The following PA2G4 variants were observed in gnomAD, a reference collection of about 807,000 sequenced individuals.
PA2G4 encodes proliferation-associated 2G4, also known as proliferation-associated protein 2G4.
A neutral mutation model predicts 53.3 loss-of-function variants in PA2G4; 8 were observed. That is an observed-to-expected ratio of 0.15 (90% CI 0.09 to 0.27). The LOEUF is 0.27. PA2G4 is among the 10% of genes least tolerant of loss of function. The pLI, the probability that PA2G4 is intolerant of heterozygous loss-of-function variation, is 1.00. For synonymous variants in PA2G4, 143 were observed against 169.8 expected (o/e 0.84, Z 1.23); for missense variants, 208 against 486.8 (o/e 0.43, Z 5.39).
intron 1 of PA2G4, 101 bp downstream of exon 1, chr12:56,104,926 C>T (rs1185011934): frequency 2.1e-5 from 22 of 1,059,602 alleles, no homozygotes; most frequent in Admixed American, 5.2e-5. Flanking sequence ...GACTGAGCTA[C>T]TGAGGGGCCC....
At chr12:56,107,453 T>C (rs1219386427) in intron 4 of PA2G4, 68 bp from the exon 5 acceptor site, 6 of 1,199,448 alleles carry the variant, frequency 5.0e-6, no homozygotes, top group Non-Finnish European at 6.2e-6. Flanking sequence ...CTCACAGATA[T>C]TAACCAGATA....
At position 56,104,688 on chromosome 12, in the gene PA2G4, A is replaced by G; in HGVS notation, c.-50A>G. The G allele has an allele frequency of 6.7e-7, 1 of 1,498,246 alleles. No homozygotes were observed. The highest frequency in any genetic ancestry group is 9.3e-7 in the Non-Finnish European group (1 of 1,074,566). The allele number at this position is 1,498,246 out of a possible 1,614,324, so 92.8% of individuals were successfully genotyped here. ...AGCCTGTGGCTGGGAAGGGAGACAG[A>G]GGCGGCGGCGGCTCAGGGGAAACGA... On this transcript the variant is annotated 5_prime_UTR_variant, in exon 1 of 13. Transcript: ENST00000303305.
intron 5 of PA2G4, among the ~76,000 whole-genome samples, chr12:56,107,857 C>T (rs553979583): frequency 3.6e-4 from 54 of 151,880 alleles, no homozygotes; most frequent in African/African-American, 1.2e-3. Flanking sequence ...GGTGAAACCC[C>T]ATTTCTACAA....
At chr12:56,111,154 T>C in intron 10 of PA2G4, 28 bp from the exon 11 acceptor site, 1 of 1,614,218 alleles carries the variant, frequency 6.2e-7, no homozygotes, top group South Asian at 1.1e-5. Context: ...GAACTTTTTA[T>C]CAAAACACAT....
At position 56,109,244 on chromosome 12, in the gene PA2G4, A is replaced by G; in HGVS notation, c.501A>G (p.Thr167=). The G allele has an allele frequency of 1.9e-6, 3 of 1,612,138 alleles. No individual in the cohort carries two copies. The highest frequency in any genetic ancestry group is 2.5e-6 in the Non-Finnish European group (3 of 1,178,818). Residue 167 remains threonine, a synonymous_variant, in exon 6 of 13, where the codon ACA becomes ACG. Coordinates refer to ENST00000303305, the MANE Select transcript of PA2G4 (RefSeq NM_006191.3). ...VKPGNQNTQV[T]EAWNKVAHSF... is the part of the protein sequence containing the mutation. ...TGTACTTCTAGAACACACAAGTGAC[A>G]GAAGCCTGGAACAAAGTTGCCCACT...
rs896877365 is a variant in PA2G4 at position 56,111,327 on chromosome 12, G to T, written c.1065+18G>T. The stretch of plus-strand genomic sequence containing the variant: ...AGCTAAAGGTTAGTATGGAATAGAA[G>T]GTGGTGAGTATGTACATGGTATCCT... On this transcript the variant is annotated intron_variant, in intron 11 of 12. Transcript: ENST00000303305. 2.5e-6 allele frequency: 4 copies of T among 1,614,138 alleles called. No individual in the cohort carries two copies. The highest frequency in any genetic ancestry group is 3.4e-6 in the Non-Finnish European group (4 of 1,180,008).
chr12:56,111,666 C>A, intron 12 of PA2G4, 137 bp downstream of exon 12: 1 of 690,496 alleles, frequency 1.4e-6, no homozygotes. Flanking sequence ...TCCCAGTAAA[C>A]CCATCATAAA....
Position 56,104,592 on chromosome 12 carries a change from GC to G in PA2G4, c.-144del. 1.2e-6 allele frequency: 1 copy of G among 835,878 alleles called. No homozygotes were observed. The highest frequency in any genetic ancestry group is 2.1e-6 in the Non-Finnish European group (1 of 474,964). 51.8% of individuals were successfully genotyped at this position (835,878 alleles called of 1,614,324 possible). On this transcript the variant is annotated 5_prime_UTR_variant, in exon 1 of 13. Coordinates refer to ENST00000303305, the MANE Select transcript of PA2G4 (RefSeq NM_006191.3). ...CGCTCGCAGCTTCTCGCTCTCGCCT[GC>G]CTGCCCGCTCCCTTGCTTGCTCGCG...
chr12:56,106,422 T>C (rs1869302852), intron 1 of PA2G4, 166 bp from the exon 2 acceptor site: 2 of 684,994 alleles, frequency 2.9e-6, no homozygotes, highest in Admixed American at 3.7e-5. Context: ...ATATACCCAG[T>C]TGTCACATAA....
intron 9 of PA2G4, 110 bp downstream of exon 9, chr12:56,110,802 C>A: frequency 7.2e-7 from 1 of 1,380,312 alleles, no homozygotes; most frequent in East Asian, 2.3e-5. Context: ...TGTGCTCACT[C>A]CCTCCCTCTC....
chr12:56,109,182 C>A, intron 5 of PA2G4, 48 bp from the exon 6 acceptor site: 1 of 1,149,508 alleles, frequency 8.7e-7, no homozygotes, highest in Non-Finnish European at 1.3e-6. Context: ...TTGTAGAGAA[C>A]TTATTAGCTC....
At chr12:56,112,091 G>A (rs918524043) in intron 12 of PA2G4, among the ~76,000 whole-genome samples, 1 of 152,152 alleles carries the variant, frequency 6.6e-6, no homozygotes, top group Non-Finnish European at 1.5e-5. Context: ...TCCGGCCTGC[G>A]CAACAAGAGC....
chr12:56,110,304 G>A, intron 7 of PA2G4, 95 bp from the exon 8 acceptor site: 1 of 759,742 alleles, frequency 1.3e-6, no homozygotes, highest in Non-Finnish European at 2.3e-6. Flanking sequence ...AGGTTGCAGT[G>A]AGCTGAGATT....
intron 12 of PA2G4, 60 bp downstream of exon 12, chr12:56,111,589 T>C (rs1869426558): frequency 7.0e-7 from 1 of 1,428,086 alleles, no homozygotes; most frequent in Non-Finnish European, 9.8e-7. Context: ...TTTCTCCCAC[T>C]GTGTTAAGTT....
intron 6 of PA2G4, 64 bp downstream of exon 6, chr12:56,109,357 C>G: frequency 8.2e-7 from 1 of 1,218,386 alleles, no homozygotes; most frequent in East Asian, 2.4e-5. Flanking sequence ...CGGTGGCTCA[C>G]GCCTGTAATC....
In PA2G4 at chr12:56,105,080, C is replaced by G. The variant is rs1473183297; in HGVS notation, c.88+255C>G. The G allele has an allele frequency of 4.3e-6, 3 of 691,712 alleles. No homozygotes were observed. The South Asian group carries it at 4.5e-5, about 10-fold the overall frequency. The allele number at this position is 691,712 out of a possible 1,614,324, so 42.8% of individuals were successfully genotyped here. A position where few individuals can be genotyped will look rare whatever the true frequency, so the allele number is the denominator to read the frequency against. On this transcript the variant is annotated intron_variant, in intron 1 of 12. Coordinates refer to ENST00000303305, the MANE Select transcript of PA2G4 (RefSeq NM_006191.3). ...GAGGGGACCCTGGCAGGCTCCGACCCGAGGCCGTTTGTTAGGAGGCAAGAC... is the reference window on the plus strand; with the variant it reads ...GAGGGGACCCTGGCAGGCTCCGACCGGAGGCCGTTTGTTAGGAGGCAAGAC...
At chr12:56,105,364 T>G (rs1869278092) in intron 1 of PA2G4, among the ~76,000 whole-genome samples, 1 of 152,206 alleles carries the variant, frequency 6.6e-6, no homozygotes, top group Non-Finnish European at 1.5e-5. Context: ...CGTGCTTTGC[T>G]GGAGCCTTTC....
chr12:56,105,381 T>C (rs777185264), intron 1 of PA2G4, among the ~76,000 whole-genome samples: 10 of 152,212 alleles, frequency 6.6e-5, no homozygotes, highest in Non-Finnish European at 1.3e-4. Flanking sequence ...TTTCCTTCTT[T>C]ACTTCAGCTC....
chr12:56,112,564 C>G (rs1187481399), intron 12 of PA2G4, among the ~76,000 whole-genome samples: 2 of 151,976 alleles, frequency 1.3e-5, no homozygotes, highest in Non-Finnish European at 2.9e-5. Context: ...TCAAGATCAG[C>G]CCGGGCAACA....
Sources: allele counts gnomAD v4.1 joint callset (sites outside exome capture counted in the v4.1 genomes callset), GRCh38; gene constraint gnomAD v4.1.1; transcripts MANE v1.5; gene names NCBI Gene and HGNC (gene_info 2026-07-23, HGNC 2026-07-21).